PTCH2: variants seen among roughly 807,000 people sequenced by gnomAD.
PTCH2 encodes the protein protein patched homolog 2.
PTCH2 carries 96 observed loss-of-function variants against 117.9 expected under a neutral mutation model. The ratio of observed to expected loss-of-function variants is 0.81; its 90% CI spans 0.69 to 0.96. The LOEUF is 0.96. Among genes scored for constraint, PTCH2 ranks in the 50% least tolerant of loss-of-function variants. The pLI is 0.00. For synonymous variants in PTCH2, 615 were observed against 660.9 expected, an observed-to-expected ratio of 0.93 and a Z score of 1.06; for missense variants, 1,379 against 1,562.5, an observed-to-expected ratio of 0.88 and a Z score of 1.98.
chr1:44,825,138 C>CT (rs1202004434), intron 19 of PTCH2, among the ~76,000 whole-genome samples: 2 of 151,786 alleles, frequency 1.3e-5, no homozygotes, highest in East Asian at 1.9e-4. Context: ...TCTCTCTCTT[C>CT]TTTTTTTTCT....
intron 2 of PTCH2, among the ~76,000 whole-genome samples, chr1:44,840,699 T>G (rs1342663361): frequency 1.3e-5 from 2 of 149,232 alleles, no homozygotes. Flanking sequence ...TGAGACAGAG[T>G]GAGACTCTGT....
chr1:44,832,473 C>T lies in PTCH2; in HGVS notation c.266-132G>A, dbSNP rs1557648089. The T allele has an allele frequency of 8.8e-6, 8 of 909,912 alleles. No individual in the cohort carries two copies. The East Asian group carries it at 2.0e-4, about 23-fold the overall frequency. 56.4% of individuals were successfully genotyped at this position (909,912 alleles called of 1,614,324 possible). On this transcript the variant is annotated intron_variant, in intron 2 of 21. Transcript: ENST00000372192. The stretch of plus-strand genomic sequence containing the variant: ...CGGCAGAGAGGAGTCCCTGCCTTAT[C>T]CCTGAGGGCCTGGTCATGGCCCAGG...
chr1:44,832,931 CCT>C (rs1198742302), intron 2 of PTCH2, among the ~76,000 whole-genome samples: 2 of 151,958 alleles, frequency 1.3e-5, no homozygotes, highest in African/African-American at 4.8e-5. Flanking sequence ...AATAATGGGC[CCT>C]GTGTTGGTGT....
In PTCH2 at chr1:44,826,539, A is replaced by C. The variant is rs779024796; in HGVS notation, c.2925T>G (p.Thr975=). 1 of 1,613,794 alleles carries C rather than the reference A, an allele frequency of 6.2e-7. No homozygotes were observed. The highest frequency in any genetic ancestry group is 8.5e-7 in the Non-Finnish European group (1 of 1,180,010). ...LLAVCILLVC[T]FLVCALLLLN... ...GGAGCAGCAGAGCACAGACGAGGAAAGTGCACACCAGCAGGATGCAGACGG... is the reference window on the plus strand; with the variant it reads ...GGAGCAGCAGAGCACAGACGAGGAACGTGCACACCAGCAGGATGCAGACGG... The change falls in exon 18 of 22, where the codon ACT becomes ACG. Residue 975 remains threonine (T), a synonymous_variant. Transcript: ENST00000372192. The surrounding 1 kb of genome is among the most constrained non-coding windows in gnomAD (Gnocchi z 5.1).
At chr1:44,825,052 C>T (rs1037849238) in intron 19 of PTCH2, among the ~76,000 whole-genome samples, 3 of 152,222 alleles carry the variant, frequency 2.0e-5, no homozygotes, top group African/African-American at 7.2e-5. Flanking sequence ...GTCTTTAACA[C>T]ATTCCAGACA....
In PTCH2 at chr1:44,830,319, A is replaced by G. The variant is rs140878257; in HGVS notation, c.814-289T>C. 5.8e-3 allele frequency among the ~76,000 whole-genome samples: 886 copies of G among 152,290 alleles called. 4 individuals are homozygous for G. Among genetic ancestry groups the G allele is most frequent in the Non-Finnish European group, 8.4e-3 (573 of 68,030 alleles). On this transcript the variant is annotated intron_variant, in intron 6 of 21. Coordinates refer to ENST00000372192, the MANE Select transcript of PTCH2 (RefSeq NM_003738.5). ...GCAGGGCCACAAAGAAACCTGGGAA[A>G]CCAGGTATGATATTCATGCTTACCT... is the stretch of plus-strand genomic sequence containing the variant.
chr1:44,835,696 T>C (rs933030552), intron 2 of PTCH2, among the ~76,000 whole-genome samples: 89 of 152,232 alleles, frequency 5.8e-4, no homozygotes, highest in African/African-American at 2.1e-3. Context: ...TGGTAGATTT[T>C]GGGCAGAGGG....
chr1:44,828,662 G>T (rs773216306), intron 11 of PTCH2, 31 bp from the exon 12 acceptor site: 3 of 1,604,858 alleles, frequency 1.9e-6, no homozygotes, highest in South Asian at 2.2e-5. Context: ...CCTGCCCTCA[G>T]GTCACAAGGG....
rs909583917 is a variant in PTCH2, at chr1:44,822,437, C to T, written c.3590G>A (p.Gly1197Glu). ...ATSSGNLSSRGPGPATG is the reference protein window; with the variant it reads ...ATSSGNLSSREPGPATG Reference sequence around the variant, plus strand: ...CTTTCACCCAGTGGCTGGACCTGGTCCCCTGGAACTGAGGTTGCCAGAGCT... The same window carrying T: ...CTTTCACCCAGTGGCTGGACCTGGTTCCCTGGAACTGAGGTTGCCAGAGCT... The change falls in exon 22 of 22, where the codon GGA becomes GAA. Residue 1197 changes from glycine to glutamate, a missense_variant. By Grantham distance (98) the Gly-to-Glu change is moderately conservative (BLOSUM62 -2). Transcript: ENST00000372192. 16 of 1,613,720 alleles carry T rather than the reference C, an allele frequency of 9.9e-6. No homozygotes were observed. The highest frequency in any genetic ancestry group is 3.3e-5 in the Admixed American group (2 of 59,998).
In PTCH2 at chr1:44,826,535, G is replaced by A. The variant is rs757287067; in HGVS notation, c.2929C>T (p.Leu977Phe). The A allele has an allele frequency of 1.9e-6, 3 of 1,613,838 alleles. No individual in the cohort carries two copies. Among genetic ancestry groups the A allele is most frequent in the East Asian group, 2.2e-5 (1 of 44,888 alleles). Residue 977 changes from leucine (L) to phenylalanine (F), a missense_variant, in exon 18 of 22, where the codon CTC (leucine) becomes TTC (phenylalanine). By Grantham distance (22) the Leu-to-Phe change is conservative. Transcript: ENST00000372192. This position sits in a 1 kb window ranked among gnomAD's most constrained non-coding sequence, Gnocchi z 5.1. ...AVCILLVCTF[L>F]VCALLLLNPW... ...TTGAGGAGCAGCAGAGCACAGACGA[G>A]GAAAGTGCACACCAGCAGGATGCAG...
rs760843273 is a variant in PTCH2, at chr1:44,823,242, C to T, written c.3257+1G>A. ...GCCTCCCTGCCCCGAGCCCTCCCTA[C>T]CTTACAATGAAGTCAAAGTGGGAAC... On this transcript the variant is annotated splice_donor_variant, in intron 20 of 21. Coordinates refer to ENST00000372192, the MANE Select transcript of PTCH2 (RefSeq NM_003738.5). LOFTEE classifies it high-confidence loss of function. The surrounding 1 kb of genome is among the most constrained non-coding windows in gnomAD (Gnocchi z 5.1). 7 of 1,614,202 alleles carry T rather than the reference C, an allele frequency of 4.3e-6. No individual in the cohort carries two copies. The Admixed American group carries it at 6.7e-5, about 15-fold the overall frequency.
chr1:44,829,317 G>C lies in PTCH2; in HGVS notation c.1216-5C>G, dbSNP rs375527740. On this transcript the variant is annotated splice_polypyrimidine_tract_variant and splice_region_variant and intron_variant, in intron 9 of 21. Coordinates refer to ENST00000372192, the MANE Select transcript of PTCH2 (RefSeq NM_003738.5). ...GGTCACACAGGCATAGGCCAGCTGT[G>C]GGGGGAAAGGGCAGTCTCAGGGGCT... 8.1e-6 allele frequency: 13 copies of C among 1,613,620 alleles called. No homozygotes were observed. Among genetic ancestry groups the C allele is most frequent in the African/African-American group, 1.3e-5 (1 of 74,940 alleles).
In PTCH2 at chr1:44,823,307, C is replaced by T; in HGVS notation, c.3193G>A (p.Gly1065Arg). ...AGACCCAGCAATGTGGAGATGGCCC[C>T]ATCGGTCACGGGGGCAAATGTGTGC... is the stretch of plus-strand genomic sequence containing the variant. ...LEHTFAPVTD[G>R]AISTLLGLLM... The change falls in exon 20 of 22, where the codon GGG becomes AGG. Residue 1065 changes from glycine (G) to arginine (R), a missense_variant. By Grantham distance (125) the Gly-to-Arg change is moderately radical. Transcript: ENST00000372192. The surrounding 1 kb of genome is among the most constrained non-coding windows in gnomAD (Gnocchi z 5.1). 6.2e-7 allele frequency: 1 copy of T among 1,614,196 alleles called. No individual in the cohort carries two copies. The highest frequency in any genetic ancestry group is 1.3e-5 in the African/African-American group (1 of 75,036).
Position 44,829,399 on chromosome 1 carries a change from C to T in PTCH2, c.1215+3G>A, listed in dbSNP as rs750785629. 7 of 1,614,154 alleles carry T rather than the reference C, an allele frequency of 4.3e-6. No homozygotes were observed. Among genetic ancestry groups the T allele is most frequent in the Non-Finnish European group, 5.9e-6 (7 of 1,180,010 alleles). On this transcript the variant is annotated splice_donor_region_variant and intron_variant, in intron 9 of 21. Coordinates refer to ENST00000372192, the MANE Select transcript of PTCH2 (RefSeq NM_003738.5). ...GGGGCAAGGTGCCAGGTGCAAGACC[C>T]ACCATGAGCAGATAGCCTCCCACCA...
intron 2 of PTCH2, among the ~76,000 whole-genome samples, chr1:44,837,499 C>G (rs939501887): frequency 6.6e-6 from 1 of 152,158 alleles, no homozygotes; most frequent in Non-Finnish European, 1.5e-5. Context: ...GGTGATCCAC[C>G]CCACCCTGGA....
At position 44,826,177 on chromosome 1, in the gene PTCH2, A is replaced by G. The variant is rs1447703621; in HGVS notation, c.3114+73T>C. Reference sequence around the variant, plus strand: ...AATTCTTAAATAGTACCTAGCACATAGTAGGGGCTTGAACAATATGTGTTG... The same window carrying G: ...AATTCTTAAATAGTACCTAGCACATGGTAGGGGCTTGAACAATATGTGTTG... On this transcript the variant is annotated intron_variant, in intron 19 of 21. Transcript: ENST00000372192. The surrounding 1 kb of genome is among the most constrained non-coding windows in gnomAD (Gnocchi z 5.1). The G allele has an allele frequency of 2.3e-5, 36 of 1,559,816 alleles. No individual in the cohort carries two copies. Among genetic ancestry groups the G allele is most frequent in the Non-Finnish European group, 2.9e-5 (33 of 1,148,094 alleles).
In PTCH2 at chr1:44,826,881, C is replaced by G. The variant is rs556049803; in HGVS notation, c.2695+21G>C. ...GTGTGGGCGAGGCTGAGGCTCTTGCCGAGCTCCCCCCAAGACTCACTGCGA... is the reference window on the plus strand; with the variant it reads ...GTGTGGGCGAGGCTGAGGCTCTTGCGGAGCTCCCCCCAAGACTCACTGCGA... On this transcript the variant is annotated intron_variant, in intron 17 of 21. Coordinates refer to ENST00000372192, the MANE Select transcript of PTCH2 (RefSeq NM_003738.5). This position sits in a 1 kb window ranked among gnomAD's most constrained non-coding sequence, Gnocchi z 5.1. 1 of 1,613,660 alleles carries G rather than the reference C, an allele frequency of 6.2e-7. No individual in the cohort carries two copies. The highest frequency in any genetic ancestry group is 8.5e-7 in the Non-Finnish European group (1 of 1,179,984).
chr1:44,836,115 T>G (rs1418286867), intron 2 of PTCH2, among the ~76,000 whole-genome samples: 1 of 152,130 alleles, frequency 6.6e-6, no homozygotes, highest in East Asian at 1.9e-4. Context: ...GTGGCCGTCA[T>G]CGGAAAGGCC....
chr1:44,829,581 C>G (rs1303226809), intron 8 of PTCH2, 33 bp downstream of exon 8: 1 of 1,614,196 alleles, frequency 6.2e-7, no homozygotes, highest in Non-Finnish European at 8.5e-7. Context: ...GGAATGGCCT[C>G]AGGGCACCCC....
Sources: gnomAD v4.1 joint callset for allele counts (sites outside exome capture counted in the v4.1 genomes callset) on GRCh38, gnomAD v4.1.1 for gene constraint, Gnocchi (gnomAD v3.1) non-coding constraint, MANE v1.5 for transcripts, NCBI Gene and HGNC (gene_info 2026-07-23, HGNC 2026-07-21) for gene names.